Variants in APH1B observed in about 807,000 individuals in gnomAD.
APH1B encodes gamma-secretase subunit APH-1B.
A neutral mutation model predicts 28.2 loss-of-function variants in APH1B; 27 were observed. The observed-to-expected ratio is 0.96, with a 90% CI of 0.70 to 1.32. APH1B has a LOEUF of 1.32. Ranked by LOEUF, APH1B falls within the 40% of genes most tolerant of loss-of-function variation. APH1B has a pLI of 0.00. For synonymous variants in APH1B, 141 were observed against 124.6 expected (o/e 1.13, Z -0.88); for missense variants, 305 against 313.6 (o/e 0.97, Z 0.21).
intron 4 of APH1B, among the ~76,000 whole-genome samples, chr15:63,301,099 G>A (rs1275380093): frequency 6.6e-6 from 1 of 152,220 alleles, no homozygotes; most frequent in East Asian, 1.9e-4. Flanking sequence ...CCACCCCATT[G>A]TTTCTGATTC....
In APH1B at chr15:63,308,731, T is replaced by A. The variant is rs1335796640; in HGVS notation, c.*2950T>A. 6.6e-6 allele frequency: 1 copy of A among 152,262 alleles called. No homozygotes were observed. The highest frequency in any genetic ancestry group is 6.5e-5 in the Admixed American group (1 of 15,288). 9.4% of individuals were successfully genotyped at this position (152,262 alleles called of 1,614,324 possible). ...GCTGGGTCATCAGATGGGGGCAGCCTGTGACGGGCACCAGCGGCCTGATTC... is the reference window on the plus strand; with the variant it reads ...GCTGGGTCATCAGATGGGGGCAGCCAGTGACGGGCACCAGCGGCCTGATTC... On this transcript the variant is annotated 3_prime_UTR_variant, in exon 6 of 6. Transcript: ENST00000261879.
chr15:63,277,855 G>A lies in APH1B; in HGVS notation c.113+119G>A, dbSNP rs991127723. The stretch of plus-strand genomic sequence containing the variant: ...CCTTGTTGCGTTTCAGACGGGAGGA[G>A]GGTTGAGAGGGGGAGAGCGGAGATC... On this transcript the variant is annotated intron_variant, in intron 1 of 5. Transcript: ENST00000261879. 168 of 958,374 alleles carry A rather than the reference G, an allele frequency of 1.8e-4. 1 individual carries two copies. Among genetic ancestry groups the A allele is most frequent in the Non-Finnish European group, 2.4e-4 (158 of 658,914 alleles). The allele number at this position is 958,374 out of a possible 1,614,324, so 59.4% of individuals were successfully genotyped here.
chr15:63,295,575 A>G (rs1014222023), intron 4 of APH1B, among the ~76,000 whole-genome samples: 5 of 152,202 alleles, frequency 3.3e-5, no homozygotes, highest in Non-Finnish European at 5.9e-5. Flanking sequence ...CCTCACCACT[A>G]TTGACACCTG....
intron 1 of APH1B, 82 bp from the exon 2 acceptor site, chr15:63,279,079 G>GT (rs2038356767): frequency 1.8e-6 from 2 of 1,085,916 alleles, no homozygotes; most frequent in Non-Finnish European, 2.5e-6. Context: ...TTCTCAAGCA[G>GT]GTTTTTTTTT....
chr15:63,302,773 GC>G (rs2038646233), intron 5 of APH1B, among the ~76,000 whole-genome samples: 1 of 152,144 alleles, frequency 6.6e-6, no homozygotes, highest in Non-Finnish European at 1.5e-5. Flanking sequence ...TGGAAAAGTT[GC>G]GTATTCCAGA....
chr15:63,289,328 A>C (rs1017758108), intron 4 of APH1B, among the ~76,000 whole-genome samples: 2 of 152,202 alleles, frequency 1.3e-5, no homozygotes, highest in African/African-American at 4.8e-5. Flanking sequence ...ATTTATATTT[A>C]TTGTATTTAT....
At chr15:63,284,505 C>T (rs573181075) in intron 2 of APH1B, among the ~76,000 whole-genome samples, 6 of 152,328 alleles carry the variant, frequency 3.9e-5, no homozygotes, top group Admixed American at 2.0e-4. Context: ...TGGGCCACTG[C>T]GCCTGGCCAA....
chr15:63,302,248 A>G, intron 4 of APH1B, 97 bp from the exon 5 acceptor site: 1 of 1,421,328 alleles, frequency 7.0e-7, no homozygotes, highest in Non-Finnish European at 9.4e-7. Context: ...TCTCTTGCTG[A>G]GGTGTGGTGG....
rs1221224435 is a variant in APH1B, at chr15:63,307,583, A to G, written c.*1802A>G. 6.6e-6 allele frequency: 1 copy of G among 152,228 alleles called. No individual in the cohort carries two copies. Among genetic ancestry groups the G allele is most frequent in the Non-Finnish European group, 1.5e-5 (1 of 68,036 alleles). The allele number at this position is 152,228 out of a possible 1,614,324, so 9.4% of individuals were successfully genotyped here. A position where few individuals can be genotyped will look rare whatever the true frequency, so the allele number is the denominator to read the frequency against. On this transcript the variant is annotated 3_prime_UTR_variant, in exon 6 of 6. Coordinates refer to ENST00000261879, the MANE Select transcript of APH1B (RefSeq NM_031301.4). ...TCAACAGTGACATTTATTGTACAACATCAAGGGGAATAGGATACTCATCAA... is the reference window on the plus strand; with the variant it reads ...TCAACAGTGACATTTATTGTACAACGTCAAGGGGAATAGGATACTCATCAA...
chr15:63,305,813 A>G lies in APH1B; in HGVS notation c.*32A>G, dbSNP rs1308314219. The stretch of plus-strand genomic sequence containing the variant: ...GGAACCAGCACTTCCCAAACCGCAG[A>G]CTACATCTTTAGAGGAAGCACAACT... On this transcript the variant is annotated 3_prime_UTR_variant, in exon 6 of 6. Transcript: ENST00000261879. 6 of 1,594,356 alleles carry G rather than the reference A, an allele frequency of 3.8e-6. No homozygotes were observed. In the African/African-American group the frequency reaches 6.8e-5, roughly 18 times the overall value.
At chr15:63,277,926 G>C in intron 1 of APH1B, 190 bp downstream of exon 1, 2 of 599,478 alleles carry the variant, frequency 3.3e-6, no homozygotes, top group Non-Finnish European at 5.8e-6. Flanking sequence ...AGCGCACACT[G>C]GGGGTCAGGG....
chr15:63,295,319 C>T (rs971824627), intron 4 of APH1B, among the ~76,000 whole-genome samples: 2 of 152,206 alleles, frequency 1.3e-5, no homozygotes, highest in African/African-American at 4.8e-5. Context: ...AAGGCAGGTC[C>T]CCCATTAGGG....
At position 63,306,939 on chromosome 15, in the gene APH1B, T is replaced by TA. The variant is rs749717033; in HGVS notation, c.*1159dup. ...TTGGTAGCAGATACAGCGTTCCCTT[T>TA]ACAGGAATACCCAAGGTGTTCTTTC... On this transcript the variant is annotated 3_prime_UTR_variant, in exon 6 of 6. Transcript: ENST00000261879. The TA allele has an allele frequency of 2.6e-5, 4 of 152,246 alleles. No individual in the cohort carries two copies. The highest frequency in any genetic ancestry group is 2.9e-5 in the Non-Finnish European group (2 of 68,042). 9.4% of individuals were successfully genotyped at this position (152,246 alleles called of 1,614,324 possible).
At chr15:63,280,791 G>A (rs1384623266) in intron 2 of APH1B, among the ~76,000 whole-genome samples, 1 of 152,124 alleles carries the variant, frequency 6.6e-6, no homozygotes, top group African/African-American at 2.4e-5. Context: ...AATGTTTCTG[G>A]TATGTGGCAG....
At chr15:63,286,510 CTTTT>C (rs58838039) in intron 2 of APH1B, 44 bp from the exon 3 acceptor site, 234 of 1,240,574 alleles carry the variant, frequency 1.9e-4, no homozygotes, top group East Asian at 4.9e-4. Flanking sequence ...ATTGCTCTTC[CTTTT>C]TTTTTTTTTT....
At chr15:63,283,444 G>C (rs1157617607) in intron 2 of APH1B, among the ~76,000 whole-genome samples, 2 of 152,046 alleles carry the variant, frequency 1.3e-5, no homozygotes, top group East Asian at 3.9e-4. Flanking sequence ...TGCCCAGGCT[G>C]GTCTCAAACT....
rs928803237 is a variant in APH1B at position 63,307,850 on chromosome 15, CAGAT to C, written c.*2070_*2073del. ...TTGTAAAATCTCATTTATAAAAACTCAGATGAGAAGAAAATTTTCTTTGATGGTG... is the reference window on the plus strand; with the variant it reads ...TTGTAAAATCTCATTTATAAAAACTCGAGAAGAAAATTTTCTTTGATGGTG... On this transcript the variant is annotated 3_prime_UTR_variant, in exon 6 of 6. Transcript: ENST00000261879. The C allele has an allele frequency of 4.6e-5, 7 of 152,156 alleles. No individual in the cohort carries two copies. The highest frequency in any genetic ancestry group is 2.0e-4 in the Admixed American group (3 of 15,280). 9.4% of individuals were successfully genotyped at this position (152,156 alleles called of 1,614,324 possible).
intron 4 of APH1B, among the ~76,000 whole-genome samples, chr15:63,298,860 C>G (rs2038594674): frequency 6.7e-6 from 1 of 150,032 alleles, no homozygotes; most frequent in Admixed American, 6.6e-5. Context: ...AATCTTCAGG[C>G]CAGGCTGTCT....
chr15:63,296,665 T>TA (rs2038571508), intron 4 of APH1B, among the ~76,000 whole-genome samples: 2 of 151,276 alleles, frequency 1.3e-5, no homozygotes, highest in African/African-American at 4.8e-5. Context: ...TTTCTTTTTT[T>TA]TTTTTTTTTT....
Sources: gnomAD v4.1 joint callset for allele counts (sites outside exome capture counted in the v4.1 genomes callset) on GRCh38, gnomAD v4.1.1 for gene constraint, MANE v1.5 for transcripts, NCBI Gene and HGNC (gene_info 2026-07-23, HGNC 2026-07-21) for gene names.